Variants in COL19A1 observed in about 807,000 individuals in gnomAD.
COL19A1 encodes collagen type XIX alpha 1 chain.
A neutral mutation model predicts 190.2 loss-of-function variants in COL19A1; 159 were observed. The ratio of observed to expected loss-of-function variants is 0.84; its 90% CI spans 0.73 to 0.95. COL19A1 has a LOEUF of 0.95. Ranked by LOEUF, COL19A1 falls within the 40% of genes least tolerant of loss-of-function variation. COL19A1 has a pLI of 0.00. For missense variants in COL19A1, 1,418 were observed against 1,431.9 expected, an observed-to-expected ratio of 0.99 and a Z score of 0.16; for synonymous variants, 509 against 458.9, an observed-to-expected ratio of 1.11 and a Z score of -1.39.
chr6:70,169,237 T>C (rs1765356725), intron 40 of COL19A1, among the ~76,000 whole-genome samples: 1 of 152,236 alleles, frequency 6.6e-6, no homozygotes, highest in Non-Finnish European at 1.5e-5. Flanking sequence ...ATAATTGTTC[T>C]CAGCATCTTT....
chr6:70,010,168 A>G (rs1470568344), intron 11 of COL19A1, among the ~76,000 whole-genome samples: 1 of 152,184 alleles, frequency 6.6e-6, no homozygotes, highest in African/African-American at 2.4e-5. Flanking sequence ...CAAATTACAT[A>G]TATGATAAAA....
In COL19A1 at chr6:70,141,874, G is replaced by A. The variant is rs771988688; in HGVS notation, c.1483-19G>A. On this transcript the variant is annotated intron_variant, in intron 20 of 50. Coordinates refer to ENST00000620364, the MANE Select transcript of COL19A1 (RefSeq NM_001858.6). ...TCTGAATTTAAGCATTACCCTTATA[G>A]TAATTATTTTATTTACAGGGAGAAC... 66 of 1,508,094 alleles carry A rather than the reference G, an allele frequency of 4.4e-5. No individual in the cohort carries two copies. In the Admixed American group the frequency reaches 1.0e-3, roughly 24 times the overall value. 93.4% of individuals were successfully genotyped at this position (1,508,094 alleles called of 1,614,324 possible). A position where few individuals can be genotyped will look rare whatever the true frequency, so the allele number is the denominator to read the frequency against.
At chr6:70,122,453 G>T (rs903512859) in intron 17 of COL19A1, among the ~76,000 whole-genome samples, 1 of 152,068 alleles carries the variant, frequency 6.6e-6, no homozygotes, top group Non-Finnish European at 1.5e-5. Flanking sequence ...GAATGCTGAC[G>T]TGGAAGTATC....
At chr6:69,980,523 G>A (rs1055137329) in intron 11 of COL19A1, among the ~76,000 whole-genome samples, 1 of 152,084 alleles carries the variant, frequency 6.6e-6, no homozygotes, top group Non-Finnish European at 1.5e-5. Flanking sequence ...GGACTGTAAA[G>A]TAAAAGATAG....
At chr6:70,188,037 G>A (rs1766634188) in intron 46 of COL19A1, 38 bp from the exon 47 acceptor site, 1 of 1,610,804 alleles carries the variant, frequency 6.2e-7, no homozygotes. Flanking sequence ...GCTGATGCTA[G>A]AAGAGATTAT....
Position 69,899,291 on chromosome 6 carries a change from A to T in COL19A1, c.166+269A>T, listed in dbSNP as rs79667961. The stretch of plus-strand genomic sequence containing the variant: ...GCAATTCTCCTGCCTCAGCCTCCCA[A>T]GTAGCTGGGACTACAGGCACATGGC... On this transcript the variant is annotated intron_variant, in intron 3 of 50. Transcript: ENST00000620364. Among the ~76,000 whole-genome samples, 40 of 151,956 alleles carry T rather than the reference A, an allele frequency of 2.6e-4. No homozygotes were observed. The East Asian group carries it at 7.0e-3, about 26-fold the overall frequency.
intron 15 of COL19A1, among the ~76,000 whole-genome samples, chr6:70,078,490 A>G (rs544371096): frequency 9.5e-4 from 144 of 152,322 alleles, no homozygotes; most frequent in African/African-American, 3.3e-3. Flanking sequence ...CCTGCCTTGA[A>G]GCAAGGGGCG....
intron 11 of COL19A1, among the ~76,000 whole-genome samples, chr6:69,965,228 G>C (rs1775024279): frequency 6.6e-6 from 1 of 152,128 alleles, no homozygotes; most frequent in Non-Finnish European, 1.5e-5. Flanking sequence ...GACTGTTTGA[G>C]TGACAAGTCA....
chr6:70,062,039 G>GT (rs1333486655), intron 14 of COL19A1, among the ~76,000 whole-genome samples: 3 of 149,982 alleles, frequency 2.0e-5, no homozygotes, highest in African/African-American at 7.6e-5. Flanking sequence ...GAACTGATTA[G>GT]TTTTTTTCCC....
At chr6:70,043,414 G>T (rs578121339) in intron 14 of COL19A1, among the ~76,000 whole-genome samples, 5 of 152,140 alleles carry the variant, frequency 3.3e-5, no homozygotes, top group African/African-American at 1.2e-4. Flanking sequence ...GGATGGTCTC[G>T]ATCTCCTGAC....
At chr6:70,183,483 T>C (rs994124069) in intron 44 of COL19A1, among the ~76,000 whole-genome samples, 26 of 152,316 alleles carry the variant, frequency 1.7e-4, no homozygotes, top group African/African-American at 6.0e-4. Context: ...TCTTATATTG[T>C]TACCAAAAAC....
At chr6:69,921,420 T>TATATATCATATATATC (rs1771848330) in intron 4 of COL19A1, among the ~76,000 whole-genome samples, 5 of 115,424 alleles carry the variant, frequency 4.3e-5, no homozygotes, top group African/African-American at 1.6e-4. Context: ...TCATATATCA[T>TATATATCATATATATC]ATATATCATA....
rs879641354 is a variant in COL19A1, at chr6:69,998,957, C to CT, written c.1027-24659dup. Reference sequence around the variant, plus strand: ...AACATTAATTAGAGTTTATGTTTATCTTTTTTTTTTTGAGACTGAGTCTCA... The same window carrying CT: ...AACATTAATTAGAGTTTATGTTTATCTTTTTTTTTTTTGAGACTGAGTCTCA... On this transcript the variant is annotated intron_variant, in intron 11 of 50. Transcript: ENST00000620364. Among the ~76,000 whole-genome samples the CT allele has an allele frequency of 4.1e-4, 60 of 147,196 alleles. 1 individual carries two copies. The highest frequency in any genetic ancestry group is 8.8e-4 in the Admixed American group (13 of 14,706).
chr6:70,184,854 T>G lies in COL19A1; in HGVS notation c.2812-17T>G. On this transcript the variant is annotated splice_polypyrimidine_tract_variant and intron_variant, in intron 45 of 50. Coordinates refer to ENST00000620364, the MANE Select transcript of COL19A1 (RefSeq NM_001858.6). ...TCTTGGCAAGGAGTGATTTTCATGT[T>G]GACATCTGTTTTTCAGGGCATCATG... 1 of 1,612,848 alleles carries G rather than the reference T, an allele frequency of 6.2e-7. No homozygotes were observed. The highest frequency in any genetic ancestry group is 1.3e-5 in the African/African-American group (1 of 74,956).
chr6:70,182,565 A>G (rs1050460996), intron 44 of COL19A1, among the ~76,000 whole-genome samples: 1 of 152,214 alleles, frequency 6.6e-6, no homozygotes, highest in Non-Finnish European at 1.5e-5. Flanking sequence ...ACTGTTAGGA[A>G]GACAACCCAA....
intron 11 of COL19A1, among the ~76,000 whole-genome samples, chr6:70,010,411 G>T (rs569356551): frequency 6.9e-6 from 1 of 145,086 alleles, no homozygotes; most frequent in Admixed American, 7.0e-5. Context: ...CGTGAGCGAC[G>T]CAGAAGACGG....
chr6:69,959,968 T>C, intron 9 of COL19A1, 28 bp from the exon 10 acceptor site: 1 of 1,605,966 alleles, frequency 6.2e-7, no homozygotes, highest in Admixed American at 1.7e-5. Context: ...TTATGGATCA[T>C]AAACATTATT....
intron 16 of COL19A1, among the ~76,000 whole-genome samples, chr6:70,110,673 G>A (rs1784234919): frequency 4.6e-5 from 7 of 152,072 alleles, no homozygotes; most frequent in Admixed American, 4.6e-4. Flanking sequence ...TTGAAAACTG[G>A]CTCTCAGGTT....
At chr6:69,963,423 T>C (rs1330726976) in intron 11 of COL19A1, among the ~76,000 whole-genome samples, 1 of 152,228 alleles carries the variant, frequency 6.6e-6, no homozygotes, top group East Asian at 1.9e-4. Flanking sequence ...AGCAGACCTC[T>C]TAAACCCCAC....
Sources: gnomAD v4.1 joint callset for allele counts (sites outside exome capture counted in the v4.1 genomes callset) on GRCh38, gnomAD v4.1.1 for gene constraint, MANE v1.5 for transcripts, NCBI Gene and HGNC (gene_info 2026-07-23, HGNC 2026-07-21) for gene names.